SFI1: variants seen among roughly 807,000 people sequenced by gnomAD.
SFI1 encodes protein SFI1 homolog.
Under a neutral mutation model 207.5 loss-of-function variants are expected in SFI1, and 195 were observed. The ratio of observed to expected loss-of-function variants is 0.94; its 90% CI spans 0.84 to 1.06. The LOEUF is 1.06. Among genes scored for constraint, SFI1 ranks in the 50% least tolerant of loss-of-function variants. The pLI, the probability that SFI1 is intolerant of heterozygous loss-of-function variation, is 0.00. For synonymous variants in SFI1, 630 were observed against 598.9 expected (o/e 1.05, Z -0.76); for missense variants, 1,634 against 1,588.0 (o/e 1.03, Z -0.49).
chr22:31,522,316 C>T (rs993165185), intron 2 of SFI1, among the ~76,000 whole-genome samples: 3 of 152,084 alleles, frequency 2.0e-5, no homozygotes, highest in African/African-American at 4.8e-5. Context: ...CCTCAGCCTC[C>T]CAAAGTGGTA....
At chr22:31,524,662 G>A (rs545008060) in intron 2 of SFI1, among the ~76,000 whole-genome samples, 1 of 148,894 alleles carries the variant, frequency 6.7e-6, no homozygotes, top group African/African-American at 2.5e-5. Flanking sequence ...CCATCTGCCT[G>A]TCTCAGCTTC....
intron 15 of SFI1, among the ~76,000 whole-genome samples, chr22:31,597,782 G>C (rs985184020): frequency 6.6e-6 from 1 of 152,002 alleles, no homozygotes; most frequent in Admixed American, 6.6e-5. Flanking sequence ...TATTCTTAGG[G>C]TATTTTTTAA....
intron 1 of SFI1, among the ~76,000 whole-genome samples, chr22:31,498,276 C>T (rs2053097394): frequency 6.6e-6 from 1 of 150,962 alleles, no homozygotes; most frequent in Admixed American, 6.6e-5. Context: ...GCCTGGGCGA[C>T]AGAGTGATGA....
At chr22:31,585,435 C>G (rs1032240630) in intron 14 of SFI1, among the ~76,000 whole-genome samples, 20 of 152,174 alleles carry the variant, frequency 1.3e-4, no homozygotes, top group Non-Finnish European at 8.8e-5. Context: ...CAGCCCTTCA[C>G]CCAGTGGGAC....
chr22:31,536,919 T>G (rs2059049386), intron 4 of SFI1, among the ~76,000 whole-genome samples: 1 of 151,620 alleles, frequency 6.6e-6, no homozygotes, highest in South Asian at 2.1e-4. Context: ...AAAATTAACT[T>G]TTTTTTTACC....
At chr22:31,560,827 G>C (rs113518940) in intron 7 of SFI1, among the ~76,000 whole-genome samples, 1 of 151,230 alleles carries the variant, frequency 6.6e-6, no homozygotes, top group East Asian at 2.0e-4. Flanking sequence ...TCAGCCTCCC[G>C]AGTAGCTGGG....
intron 15 of SFI1, among the ~76,000 whole-genome samples, chr22:31,593,414 C>T (rs1286653189): frequency 5.7e-5 from 8 of 141,548 alleles, no homozygotes; most frequent in South Asian, 2.4e-4. Context: ...CGGGCAGAGA[C>T]GCTCCTCACT....
At chr22:31,612,923 C>A (rs752374449) in intron 24 of SFI1, 1 of 558,266 alleles carries the variant, frequency 1.8e-6, no homozygotes, top group Non-Finnish European at 3.2e-6. Context: ...CCTGCAGGAG[C>A]CCTTTGCCAC....
At chr22:31,498,207 A>C (rs1366007024) in intron 1 of SFI1, among the ~76,000 whole-genome samples, 1 of 152,166 alleles carries the variant, frequency 6.6e-6, no homozygotes, top group Non-Finnish European at 1.5e-5. Flanking sequence ...AGGCAGGAGA[A>C]TCACTTGAAC....
intron 31 of SFI1, 40 bp downstream of exon 31, chr22:31,617,118 G>A: frequency 6.2e-7 from 1 of 1,605,286 alleles, no homozygotes. Context: ...GGCTACAGGA[G>A]CAGGTGTTGC....
chr22:31,558,357 A>G (rs1488454008), intron 7 of SFI1, among the ~76,000 whole-genome samples: 2 of 152,132 alleles, frequency 1.3e-5, no homozygotes, highest in Non-Finnish European at 2.9e-5. Flanking sequence ...CCAAGACCCT[A>G]TCTCTACACA....
At chr22:31,578,278 G>A (rs1040124436) in intron 10 of SFI1, 104 bp from the exon 11 acceptor site, 176 of 1,097,642 alleles carry the variant, frequency 1.6e-4, no homozygotes, top group Non-Finnish European at 1.9e-4. Flanking sequence ...CACCTGGCAC[G>A]TGTGTTATCC....
At chr22:31,543,835 C>T (rs1479382892) in intron 4 of SFI1, among the ~76,000 whole-genome samples, 1 of 146,376 alleles carries the variant, frequency 6.8e-6, no homozygotes, top group Admixed American at 6.9e-5. Context: ...AGAAAAAAAA[C>T]TATGAGTGGG....
chr22:31,614,800 A>G lies in SFI1; in HGVS notation c.3008A>G (p.His1003Arg). The change falls in exon 28 of 33, where the codon CAC (histidine) becomes CGC (arginine). Residue 1003 changes from histidine to arginine, a missense_variant. Coordinates refer to ENST00000400288, the MANE Select transcript of SFI1 (RefSeq NM_001007467.3). Reference protein sequence around the residue: ...EPHALELNTAHSARKQPRRPH... With the variant: ...EPHALELNTARSARKQPRRPH... ...ATGTTTCTTTCCAGCAACACTGCCCACTCAGCGAGGAAGCAGCCGCGACGC... is the reference window on the plus strand; with the variant it reads ...ATGTTTCTTTCCAGCAACACTGCCCGCTCAGCGAGGAAGCAGCCGCGACGC... 1 of 1,613,640 alleles carries G rather than the reference A, an allele frequency of 6.2e-7. No homozygotes were observed. Among genetic ancestry groups the G allele is most frequent in the Non-Finnish European group, 8.5e-7 (1 of 1,179,984 alleles).
chr22:31,583,696 A>G (rs900322276), intron 12 of SFI1, among the ~76,000 whole-genome samples, 179 bp from the exon 13 acceptor site: 12 of 152,150 alleles, frequency 7.9e-5, no homozygotes, highest in Non-Finnish European at 1.6e-4. Context: ...TTTGCCTTTT[A>G]TGTTGGCCCA....
intron 1 of SFI1, among the ~76,000 whole-genome samples, chr22:31,498,276 CAG>C (rs35517776): frequency 0.41 from 62,562 of 150,924 alleles, 13,327 homozygotes; most frequent in Middle Eastern, 0.53. Flanking sequence ...GCCTGGGCGA[CAG>C]AGTGATGAGA....
intron 3 of SFI1, 136 bp from the exon 4 acceptor site, chr22:31,530,922 G>T (rs1019618050): frequency 1.2e-5 from 8 of 652,270 alleles, no homozygotes; most frequent in Non-Finnish European, 2.1e-5. Context: ...TGCAAAATTA[G>T]CTATGATACC....
At chr22:31,582,237 T>TATATATATATATATATA (rs1168966383) in intron 12 of SFI1, among the ~76,000 whole-genome samples, 8 of 19,916 alleles carry the variant, frequency 4.0e-4, no homozygotes, top group South Asian at 2.9e-3. Flanking sequence ...TATATATATA[T>TATATATATATATATATA]TTTTTTTTTT....
At chr22:31,533,452 C>A (rs1245785129) in intron 4 of SFI1, among the ~76,000 whole-genome samples, 1 of 152,094 alleles carries the variant, frequency 6.6e-6, no homozygotes, top group East Asian at 1.9e-4. Flanking sequence ...ATTGTTTGAA[C>A]CCGGGAGGCC....
Sources: gnomAD v4.1 joint callset for allele counts (sites outside exome capture counted in the v4.1 genomes callset) on GRCh38, gnomAD v4.1.1 for gene constraint, MANE v1.5 for transcripts, NCBI Gene and HGNC (gene_info 2026-07-23, HGNC 2026-07-21) for gene names.